Variants in SLC24A2 observed in about 807,000 individuals in gnomAD.
SLC24A2 encodes the protein solute carrier family 24 member 2, also known as sodium/potassium/calcium exchanger 2.
SLC24A2 carries 36 observed loss-of-function variants against 62.0 expected under a neutral mutation model. The observed-to-expected ratio is 0.58, with a 90% confidence interval of 0.44 to 0.77. SLC24A2 has a LOEUF of 0.77. Among genes scored for constraint, SLC24A2 ranks in the 30% least tolerant of loss-of-function variants. SLC24A2 has a pLI of 0.00. For synonymous variants in SLC24A2, 358 were observed against 294.0 expected, an observed-to-expected ratio of 1.22 and a Z score of -2.23; for missense variants, 846 against 817.9, an observed-to-expected ratio of 1.03 and a Z score of -0.42.
the SLC24A2 span, among the ~76,000 whole-genome samples, chr9:20,121,505 T>C: frequency 2.0e-4 from 31 of 152,204 alleles, no homozygotes; most frequent in Admixed American, 6.5e-5. Flanking sequence ...TGATTTCCCA[T>C]CTGCCAACAA....
At chr9:19,818,081 G>A in the SLC24A2 span, among the ~76,000 whole-genome samples, 2 of 151,916 alleles carry the variant, frequency 1.3e-5, no homozygotes, top group Non-Finnish European at 2.9e-5. Flanking sequence ...CTTTACTGAG[G>A]AGTTAATCTG....
chr9:20,084,343 C>T, the SLC24A2 span, among the ~76,000 whole-genome samples: 1 of 152,158 alleles, frequency 6.6e-6, no homozygotes, highest in East Asian at 1.9e-4. Context: ...CATCTCTTCC[C>T]CACTCCAGGT....
chr9:19,840,594 A>G, the SLC24A2 span, among the ~76,000 whole-genome samples: 1 of 152,084 alleles, frequency 6.6e-6, no homozygotes, highest in East Asian at 1.9e-4. Context: ...GTAACTTTAT[A>G]TTTATTTTGC....
At chr9:19,808,261 G>T in the SLC24A2 span, among the ~76,000 whole-genome samples, 2 of 152,136 alleles carry the variant, frequency 1.3e-5, no homozygotes, top group Admixed American at 1.3e-4. This position sits in a 1 kb window ranked among gnomAD's most constrained non-coding sequence, Gnocchi z 4.1. Context: ...ATTAACTGCA[G>T]TATTCTTTCT....
chr9:19,989,608 T>C, the SLC24A2 span, among the ~76,000 whole-genome samples: 3 of 152,218 alleles, frequency 2.0e-5, no homozygotes, highest in Non-Finnish European at 4.4e-5. Context: ...CTTTGCTTCT[T>C]ACCATGGTAT....
chr9:20,231,576 A>G, the SLC24A2 span, among the ~76,000 whole-genome samples: 1 of 152,156 alleles, frequency 6.6e-6, no homozygotes, highest in Non-Finnish European at 1.5e-5. Flanking sequence ...ATTTGTGCAC[A>G]CTGATTTTGT....
chr9:19,975,574 G>C, the SLC24A2 span, among the ~76,000 whole-genome samples: 1 of 152,200 alleles, frequency 6.6e-6, no homozygotes, highest in South Asian at 2.1e-4. Context: ...TCAACTTACA[G>C]GGTTTAGTAC....
the SLC24A2 span, among the ~76,000 whole-genome samples, chr9:20,261,547 C>CACCT: frequency 1.3e-5 from 2 of 152,130 alleles, no homozygotes; most frequent in Admixed American, 6.5e-5. Flanking sequence ...ACCCAATCAC[C>CACCT]ACCTGGTAGG....
the SLC24A2 span, among the ~76,000 whole-genome samples, chr9:19,826,367 G>T: frequency 2.0e-5 from 3 of 152,078 alleles, no homozygotes; most frequent in Non-Finnish European, 2.9e-5. Flanking sequence ...GCAAGAGGGA[G>T]GAGTCCCATT....
At chr9:19,820,409 C>T in the SLC24A2 span, among the ~76,000 whole-genome samples, 3 of 150,784 alleles carry the variant, frequency 2.0e-5, no homozygotes, top group African/African-American at 7.3e-5. Context: ...AACCAAATAC[C>T]ACCTGTACCC....
the SLC24A2 span, among the ~76,000 whole-genome samples, chr9:20,009,731 G>A: frequency 1.3e-5 from 2 of 152,270 alleles, no homozygotes; most frequent in East Asian, 1.9e-4. Flanking sequence ...CCTTTCCCAA[G>A]TCAGGAGGCA....
At chr9:20,252,928 C>T in the SLC24A2 span, among the ~76,000 whole-genome samples, 1 of 152,190 alleles carries the variant, frequency 6.6e-6, no homozygotes, top group South Asian at 2.1e-4. Context: ...TTCATTGTTG[C>T]CTCAGGCTTC....
the SLC24A2 span, among the ~76,000 whole-genome samples, chr9:20,059,747 T>C: frequency 1.3e-5 from 2 of 151,910 alleles, no homozygotes; most frequent in African/African-American, 2.4e-5. Context: ...CTTAAAGAAC[T>C]AGAAGAAGTT....
At chr9:20,244,494 C>A in the SLC24A2 span, among the ~76,000 whole-genome samples, 1 of 152,188 alleles carries the variant, frequency 6.6e-6, no homozygotes, top group Admixed American at 6.5e-5. Flanking sequence ...GTGCAGCCCT[C>A]AGATCTGTCA....
chr9:20,122,233 G>C, the SLC24A2 span, among the ~76,000 whole-genome samples: 6 of 152,224 alleles, frequency 3.9e-5, no homozygotes, highest in South Asian at 1.0e-3. Context: ...CAAATGCACT[G>C]ATTACTTGTC....
the SLC24A2 span, among the ~76,000 whole-genome samples, chr9:20,153,383 TA>T: frequency 6.6e-6 from 1 of 151,796 alleles, no homozygotes; most frequent in Non-Finnish European, 1.5e-5. Flanking sequence ...GGTAATTGGG[TA>T]AAAGCATAAG....
At chr9:19,875,684 C>T in the SLC24A2 span, among the ~76,000 whole-genome samples, 3 of 152,204 alleles carry the variant, frequency 2.0e-5, no homozygotes, top group African/African-American at 7.2e-5. Context: ...CACCCAGCAG[C>T]TGAAAATCAG....
At chr9:20,266,232 T>C in the SLC24A2 span, among the ~76,000 whole-genome samples, 7 of 152,300 alleles carry the variant, frequency 4.6e-5, no homozygotes, top group South Asian at 1.0e-3. Flanking sequence ...AAAAACTTGC[T>C]GGTTTTGTGG....
At chr9:20,115,749 T>C in the SLC24A2 span, among the ~76,000 whole-genome samples, 1 of 152,152 alleles carries the variant, frequency 6.6e-6, no homozygotes, top group African/African-American at 2.4e-5. Context: ...GAGCTCTGCT[T>C]TTCTCCTGTT....
Sources: gnomAD v4.1 joint callset for allele counts (sites outside exome capture counted in the v4.1 genomes callset) on GRCh38, gnomAD v4.1.1 for gene constraint, Gnocchi (gnomAD v3.1) non-coding constraint, MANE v1.5 for transcripts, NCBI Gene and HGNC (gene_info 2026-07-23, HGNC 2026-07-21) for gene names.